Variants in CLVS1 observed in about 807,000 individuals in gnomAD.
CLVS1 encodes clavesin 1, also known as clavesin-1.
Under a neutral mutation model 33.1 loss-of-function variants are expected in CLVS1, and 10 were observed. The ratio of observed to expected loss-of-function variants is 0.30; its 90% CI spans 0.19 to 0.51. The LOEUF (loss-of-function observed/expected upper bound fraction) is 0.51, where lower values mean the gene tolerates loss of function less well. Ranked by LOEUF, CLVS1 falls within the 20% of genes least tolerant of loss-of-function variation. CLVS1 has a pLI of 0.97. For synonymous variants in CLVS1, 163 were observed against 166.1 expected (o/e 0.98, Z 0.14); for missense variants, 343 against 433.4 (o/e 0.79, Z 1.85).
At chr8:61,138,066 T>C (rs1484217516) in intron 2 of CLVS1, among the ~76,000 whole-genome samples, 1 of 151,784 alleles carries the variant, frequency 6.6e-6, no homozygotes, top group African/African-American at 2.4e-5. Flanking sequence ...ACCTGGAGAG[T>C]AGACAGACTC....
At chr8:61,235,638 TTGTC>T (rs1808541539) in intron 2 of CLVS1, among the ~76,000 whole-genome samples, 1 of 152,182 alleles carries the variant, frequency 6.6e-6, no homozygotes, top group Admixed American at 6.5e-5. Context: ...AGTTTTCTGT[TTGTC>T]TGTACACAAT....
At chr8:61,060,043 C>T (rs1287231370) in intron 1 of CLVS1, among the ~76,000 whole-genome samples, 3 of 152,080 alleles carry the variant, frequency 2.0e-5, no homozygotes, top group South Asian at 2.1e-4. Flanking sequence ...CTGGCGATTC[C>T]GGAATGACCT....
chr8:61,319,739 A>T (rs2129596141), intron 2 of CLVS1, among the ~76,000 whole-genome samples: 1 of 152,322 alleles, frequency 6.6e-6, no homozygotes, highest in Admixed American at 6.5e-5. Context: ...GGGAAAGGTT[A>T]ATGCTTTATG....
chr8:61,047,400 G>A, the CLVS1 span, among the ~76,000 whole-genome samples: 4 of 152,186 alleles, frequency 2.6e-5, no homozygotes, highest in African/African-American at 9.7e-5. Context: ...TCAGTGTGGC[G>A]ATTCCTCAGG....
intron 5 of CLVS1, among the ~76,000 whole-genome samples, chr8:61,484,755 A>C: frequency 6.6e-6 from 1 of 152,188 alleles, no homozygotes; most frequent in Non-Finnish European, 1.5e-5. Flanking sequence ...GATATAGACC[A>C]ATGGAACAGA....
chr8:61,242,003 G>C (rs542415766), intron 2 of CLVS1, among the ~76,000 whole-genome samples: 1 of 151,608 alleles, frequency 6.6e-6, no homozygotes, highest in East Asian at 1.9e-4. Context: ...TTTTCTAAAC[G>C]TGCAGTCATT....
intron 2 of CLVS1, among the ~76,000 whole-genome samples, chr8:61,364,651 C>T (rs1173110514): frequency 6.6e-6 from 1 of 152,178 alleles, no homozygotes; most frequent in East Asian, 1.9e-4. Flanking sequence ...TACAGATTCT[C>T]TAAGTTCAAT....
At chr8:61,135,441 T>C (rs1806175851) in intron 2 of CLVS1, among the ~76,000 whole-genome samples, 1 of 152,176 alleles carries the variant, frequency 6.6e-6, no homozygotes, top group African/African-American at 2.4e-5. Flanking sequence ...CATGAGATTG[T>C]GCTGGGATGA....
chr8:61,105,765 T>G (rs1805523639), intron 1 of CLVS1, among the ~76,000 whole-genome samples: 1 of 148,560 alleles, frequency 6.7e-6, no homozygotes, highest in Non-Finnish European at 1.5e-5. Flanking sequence ...CTCTGAACAT[T>G]TTTTTTTTTT....
At chr8:61,035,552 C>T in the CLVS1 span, among the ~76,000 whole-genome samples, 1 of 152,114 alleles carries the variant, frequency 6.6e-6, no homozygotes, top group East Asian at 1.9e-4. Flanking sequence ...GAGAGCTGGT[C>T]TGCATTGTCC....
intron 2 of CLVS1, among the ~76,000 whole-genome samples, chr8:61,164,455 A>G (rs564227468): frequency 1.3e-5 from 2 of 152,292 alleles, no homozygotes; most frequent in South Asian, 2.1e-4. Context: ...GTCCACCCAA[A>G]CATTGCGATT....
chr8:61,165,178 A>T (rs971091651), intron 2 of CLVS1, among the ~76,000 whole-genome samples: 3 of 152,240 alleles, frequency 2.0e-5, no homozygotes, highest in African/African-American at 7.2e-5. Context: ...ACCTCCTTGG[A>T]TAAGGAGCAT....
the CLVS1 span, among the ~76,000 whole-genome samples, chr8:60,999,797 A>G: frequency 1.3e-5 from 2 of 152,196 alleles, no homozygotes; most frequent in African/African-American, 4.8e-5. Flanking sequence ...ATGGCTGTAT[A>G]GCAGTACTCT....
intron 1 of CLVS1, among the ~76,000 whole-genome samples, chr8:61,118,700 C>A (rs1805795151): frequency 6.6e-6 from 1 of 151,784 alleles, no homozygotes; most frequent in South Asian, 2.1e-4. Context: ...GATTCTTAAT[C>A]CTGAGTTCTA....
At chr8:61,082,134 C>T (rs1467566722) in intron 1 of CLVS1, among the ~76,000 whole-genome samples, 2 of 117,640 alleles carry the variant, frequency 1.7e-5, no homozygotes, top group East Asian at 2.8e-4. Flanking sequence ...AATGGAAATA[C>T]TAGCAATAAA....
intron 3 of CLVS1, among the ~76,000 whole-genome samples, chr8:61,407,628 G>A (rs1815041941): frequency 6.6e-6 from 1 of 152,184 alleles, no homozygotes; most frequent in Admixed American, 6.5e-5. Flanking sequence ...TTTAGTACAA[G>A]TTCCACTGAT....
chr8:61,235,252 G>T (rs1022762992), intron 2 of CLVS1, among the ~76,000 whole-genome samples: 2 of 152,178 alleles, frequency 1.3e-5, no homozygotes, highest in Non-Finnish European at 2.9e-5. Flanking sequence ...AGCTGTGATT[G>T]TCCCAAAAGT....
At chr8:61,342,549 C>T (rs1812063840) in intron 2 of CLVS1, among the ~76,000 whole-genome samples, 1 of 152,232 alleles carries the variant, frequency 6.6e-6, no homozygotes, top group Non-Finnish European at 1.5e-5. Flanking sequence ...TTGAAAGTAG[C>T]AGCTGTTCTC....
At chr8:61,186,562 G>A (rs889153023) in intron 2 of CLVS1, among the ~76,000 whole-genome samples, 1 of 152,146 alleles carries the variant, frequency 6.6e-6, no homozygotes, top group Non-Finnish European at 1.5e-5. Context: ...TTCCTCCCAT[G>A]ACCCACCCTT....
Sources: allele counts gnomAD v4.1 joint callset (sites outside exome capture counted in the v4.1 genomes callset), GRCh38; gene constraint gnomAD v4.1.1; transcripts MANE v1.5; gene names NCBI Gene and HGNC (gene_info 2026-07-23, HGNC 2026-07-21).